EP300: variants seen among roughly 807,000 people sequenced by gnomAD.
The protein encoded by EP300 is EP300 lysine acetyltransferase.
A neutral mutation model predicts 264.0 loss-of-function variants in EP300; 31 were observed. The observed-to-expected ratio is 0.12, with a 90% CI of 0.09 to 0.16. The LOEUF (loss-of-function observed/expected upper bound fraction) is 0.16, where lower values mean the gene tolerates loss of function less well. Among genes scored for constraint, EP300 ranks in the 10% least tolerant of loss-of-function variants. EP300 has a pLI of 1.00. For synonymous variants in EP300, 1,340 were observed against 1,045.4 expected, an observed-to-expected ratio of 1.28 and a Z score of -5.44; for missense variants, 2,766 against 3,052.9, an observed-to-expected ratio of 0.91 and a Z score of 2.21.
In EP300 at chr22:41,168,557, C is replaced by G. The variant is rs1223884893; in HGVS notation, c.3983C>G (p.Ala1328Gly). Reference sequence around the variant, plus strand: ...GAGGTCACTGTTAGAGTAGTTCATGCTTCTGACAAAACCGTGGAAGTAAAA... The same window carrying G: ...GAGGTCACTGTTAGAGTAGTTCATGGTTCTGACAAAACCGTGGAAGTAAAA... ...SGEVTVRVVH[A>G]SDKTVEVKPG... The change falls in exon 24 of 31, where the codon GCT (alanine) becomes GGT (glycine). Residue 1328 changes from alanine to glycine, a missense_variant. Ala to Gly is a moderately conservative substitution (Grantham distance 60, BLOSUM62 0). Coordinates refer to ENST00000263253, the MANE Select transcript of EP300 (RefSeq NM_001429.4). 18 of 1,614,048 alleles carry G rather than the reference C, an allele frequency of 1.1e-5. No individual in the cohort carries two copies. The highest frequency in any genetic ancestry group is 1.4e-5 in the Non-Finnish European group (17 of 1,180,032).
rs1020706706 is a variant in EP300 at position 41,147,895 on chromosome 22, C to A, written c.2190C>A (p.Thr730=). 1.2e-6 allele frequency: 2 copies of A among 1,613,864 alleles called. No homozygotes were observed. The highest frequency in any genetic ancestry group is 1.7e-6 in the Non-Finnish European group (2 of 1,179,994). The change falls in exon 12 of 31, where the codon ACC becomes ACA. Residue 730 remains threonine, a synonymous_variant. Transcript: ENST00000263253. ...AGCCCCCTATTGTACCCCGGCAAAC[C>A]CCTCCTCTTCAGCACCATGGACAGT... ...MAQPPIVPRQ[T]PPLQHHGQLA...
intron 10 of EP300, among the ~76,000 whole-genome samples, chr22:41,145,729 C>T (rs146541194): frequency 3.3e-5 from 5 of 152,046 alleles, no homozygotes; most frequent in Non-Finnish European, 7.4e-5. Context: ...GGTCATGCCC[C>T]GGGTTCACGC....
chr22:41,169,625 A>G lies in EP300; in HGVS notation c.4286+9A>G, dbSNP rs1251784824. ...TATGTCAAGAAATTAGGGTAAGCAT[A>G]TTTTGATAATGGCTTTTTTTCTTTA... On this transcript the variant is annotated intron_variant, in intron 26 of 30. Transcript: ENST00000263253. The G allele has an allele frequency of 1.3e-6, 2 of 1,500,242 alleles. No homozygotes were observed. The highest frequency in any genetic ancestry group is 1.9e-6 in the Non-Finnish European group (2 of 1,079,540). The allele number at this position is 1,500,242 out of a possible 1,614,324, so 92.9% of individuals were successfully genotyped here.
At chr22:41,120,057 GC>G (rs1307227917) in intron 2 of EP300, among the ~76,000 whole-genome samples, 1 of 152,010 alleles carries the variant, frequency 6.6e-6, no homozygotes, top group African/African-American at 2.4e-5. Flanking sequence ...CAAGTGATCT[GC>G]CCACCTCGGC....
At chr22:41,147,140 C>T (rs904298362) in intron 11 of EP300, among the ~76,000 whole-genome samples, 3 of 151,984 alleles carry the variant, frequency 2.0e-5, no homozygotes, top group Non-Finnish European at 4.4e-5. Context: ...CCTGTCTCTA[C>T]TAAAAATACA....
At chr22:41,161,724 A>T (rs1162033941) in intron 20 of EP300, among the ~76,000 whole-genome samples, 1 of 152,248 alleles carries the variant, frequency 6.6e-6, no homozygotes, top group Non-Finnish European at 1.5e-5. Flanking sequence ...TAATTTTAAT[A>T]TTATTGAAAG....
chr22:41,146,031 CGTT>C (rs905303446), intron 10 of EP300, among the ~76,000 whole-genome samples: 14 of 151,964 alleles, frequency 9.2e-5, no homozygotes, highest in African/African-American at 3.4e-4. Context: ...TGCATAAAAA[CGTT>C]GTGCTACATG....
intron 13 of EP300, among the ~76,000 whole-genome samples, chr22:41,149,490 C>T (rs181481723): frequency 6.6e-6 from 1 of 152,076 alleles, no homozygotes; most frequent in Admixed American, 6.6e-5. Context: ...TAGGCAGGCC[C>T]TAGAGCACTC....
intron 20 of EP300, 109 bp from the exon 21 acceptor site, chr22:41,162,614 A>G (rs1160035044): frequency 1.2e-6 from 1 of 841,908 alleles, no homozygotes; most frequent in Non-Finnish European, 2.0e-6. Context: ...GTGTATTCTT[A>G]AAAAACCTGA....
chr22:41,126,770 G>A (rs921815831), intron 3 of EP300, among the ~76,000 whole-genome samples: 1 of 97,728 alleles, frequency 1.0e-5, no homozygotes, highest in African/African-American at 4.2e-5. Flanking sequence ...TTGAGACGGA[G>A]TTTAGCTCTT....
chr22:41,125,123 T>C (rs1357356205), intron 2 of EP300, among the ~76,000 whole-genome samples: 2 of 140,814 alleles, frequency 1.4e-5, no homozygotes. Flanking sequence ...TTTTTTTTTT[T>C]TTTTTTTTTT....
At chr22:41,167,975 C>T (rs765116566) in intron 23 of EP300, among the ~76,000 whole-genome samples, 3 of 150,668 alleles carry the variant, frequency 2.0e-5, no homozygotes, top group African/African-American at 7.3e-5. Context: ...GCGTGCACCA[C>T]CATGCCTGGC....
At chr22:41,124,291 G>A (rs2058868666) in intron 2 of EP300, among the ~76,000 whole-genome samples, 1 of 152,090 alleles carries the variant, frequency 6.6e-6, no homozygotes, top group Non-Finnish European at 1.5e-5. Flanking sequence ...TGACTTGAAG[G>A]GCCAAGCAGG....
intron 14 of EP300, among the ~76,000 whole-genome samples, chr22:41,150,517 C>T (rs1224179291): frequency 1.3e-5 from 2 of 152,104 alleles, no homozygotes; most frequent in Admixed American, 6.6e-5. Context: ...TTATTTAGTG[C>T]AGCACATAAA....
Position 41,127,579 on chromosome 22 carries a change from G to T in EP300, c.999G>T (p.Glu333Asp), listed in dbSNP as rs2058890458. 1 of 1,614,118 alleles carries T rather than the reference G, an allele frequency of 6.2e-7. No homozygotes were observed. Among genetic ancestry groups the T allele is most frequent in the Admixed American group, 1.7e-5 (1 of 59,998 alleles). Residue 333 changes from glutamate (E) to aspartate (D), a missense_variant, in exon 4 of 31, where the codon GAG becomes GAT. Transcript: ENST00000263253. ...CTGGAGCACATACAGCTGATCCAGA[G>T]AAGCGCAAGCTCATCCAGCAGCAGC... ...MGSGAHTADP[E>D]KRKLIQQQLV...
intron 4 of EP300, among the ~76,000 whole-genome samples, chr22:41,128,328 T>C (rs1282448903): frequency 6.6e-6 from 1 of 151,752 alleles, no homozygotes; most frequent in East Asian, 1.9e-4. Flanking sequence ...GATGTCTGGG[T>C]GTGTTCCTGT....
Position 41,131,595 on chromosome 22 carries a change from G to T in EP300, c.1490G>T (p.Gly497Val), listed in dbSNP as rs886241076. The change falls in exon 6 of 31, where the codon GGG becomes GTG. Residue 497 changes from glycine (G) to valine (V), a missense_variant. Gly to Val is a moderately radical substitution (Grantham distance 109). Transcript: ENST00000263253. The stretch of plus-strand genomic sequence containing the variant: ...AAGAACCAGCAGAATCAGCAGCCTG[G>T]GCAGTCTCCCCAAGGCATGCGGCCC... ...QAKNQQNQQP[G>V]QSPQGMRPMS... is the part of the protein sequence containing the mutation. 1 of 1,613,936 alleles carries T rather than the reference G, an allele frequency of 6.2e-7. No individual in the cohort carries two copies. The highest frequency in any genetic ancestry group is 8.5e-7 in the Non-Finnish European group (1 of 1,180,026).
In EP300 at chr22:41,160,660, G is replaced by C. The variant is rs750162474; in HGVS notation, c.3609G>C (p.Lys1203Asn). 1 of 1,614,084 alleles carries C rather than the reference G, an allele frequency of 6.2e-7. No homozygotes were observed. Among genetic ancestry groups the C allele is most frequent in the South Asian group, 1.1e-5 (1 of 91,084 alleles). The change falls in exon 20 of 31, where the codon AAG becomes AAC. Residue 1203 changes from lysine to asparagine, a missense_variant. Lys to Asn is a moderately conservative substitution (Grantham distance 94, BLOSUM62 0). Coordinates refer to ENST00000263253, the MANE Select transcript of EP300 (RefSeq NM_001429.4). ...SYQNRYHFCE[K>N]CFNEIQGESV... is the part of the protein sequence containing the mutation. The stretch of plus-strand genomic sequence containing the variant: ...CCGACAGGTATCATTTCTGTGAGAA[G>C]TGTTTCAATGAGATCCAAGGGGAGA...
chr22:41,150,537 T>G (rs909985273), intron 14 of EP300, among the ~76,000 whole-genome samples: 1 of 152,268 alleles, frequency 6.6e-6, no homozygotes, highest in East Asian at 1.9e-4. Flanking sequence ...ATTTTACATA[T>G]ATTTAAGGAA....
Sources: allele counts gnomAD v4.1 joint callset (sites outside exome capture counted in the v4.1 genomes callset), GRCh38; gene constraint gnomAD v4.1.1; transcripts MANE v1.5; gene names NCBI Gene and HGNC (gene_info 2026-07-23, HGNC 2026-07-21).